Variants in UBE2W observed in about 807,000 individuals in gnomAD.
UBE2W encodes ubiquitin-conjugating enzyme E2 W.
UBE2W carries 18 observed loss-of-function variants against 27.2 expected under a neutral mutation model. The ratio of observed to expected loss-of-function variants is 0.66; its 90% CI spans 0.46 to 0.98. UBE2W has a LOEUF of 0.98. Ranked by LOEUF, UBE2W falls within the 50% of genes least tolerant of loss-of-function variation. The probability of loss-of-function intolerance (pLI) is 0.00; values close to 1 mark genes in which losing one functional copy is unlikely to be tolerated. For synonymous variants in UBE2W, 53 were observed against 57.2 expected (o/e 0.93, Z 0.33); for missense variants, 90 against 180.2 (o/e 0.50, Z 2.87).
chr8:73,874,932 G>A (rs551539119), intron 1 of UBE2W, among the ~76,000 whole-genome samples: 1 of 152,240 alleles, frequency 6.6e-6, no homozygotes, highest in Admixed American at 6.5e-5. Flanking sequence ...AGCTACTCAG[G>A]AGGCTGAGAT....
chr8:73,829,116 T>C lies in UBE2W; in HGVS notation c.107+1265A>G, dbSNP rs564137007. On this transcript the variant is annotated intron_variant, in intron 2 of 5. Transcript: ENST00000602593. ...GATTTACTCTACAACAAAGGTATTGTTGCTTTGGCTGTTATAATTTGTGGT... is the reference window on the plus strand; with the variant it reads ...GATTTACTCTACAACAAAGGTATTGCTGCTTTGGCTGTTATAATTTGTGGT... 2.0e-5 allele frequency among the ~76,000 whole-genome samples: 3 copies of C among 152,298 alleles called. No homozygotes were observed. The East Asian group carries it at 5.8e-4, about 29-fold the overall frequency.
chr8:73,812,968 G>A (rs867766490), intron 3 of UBE2W, among the ~76,000 whole-genome samples: 2 of 147,178 alleles, frequency 1.4e-5, no homozygotes, highest in Admixed American at 6.9e-5. Context: ...TCGCACCACC[G>A]CACTCCAGCC....
At chr8:73,803,752 GTTTTCTTTTTTC>G (rs1167812787) in intron 5 of UBE2W, among the ~76,000 whole-genome samples, 4 of 147,110 alleles carry the variant, frequency 2.7e-5, no homozygotes, top group Non-Finnish European at 4.5e-5. Context: ...ATATTTCTTT[GTTTTCTTTTTTC>G]TTTTCTTTTT....
At chr8:73,847,709 C>T (rs1428929771) in intron 1 of UBE2W, among the ~76,000 whole-genome samples, 1 of 152,048 alleles carries the variant, frequency 6.6e-6, no homozygotes, top group Non-Finnish European at 1.5e-5. Flanking sequence ...CAAGACCAGC[C>T]TGGCCAACGT....
intron 1 of UBE2W, among the ~76,000 whole-genome samples, chr8:73,855,646 T>C (rs1279013575): frequency 6.6e-6 from 1 of 152,072 alleles, no homozygotes; most frequent in African/African-American, 2.4e-5. Context: ...CCTCAAGTAA[T>C]CTGCCCACCT....
chr8:73,866,179 G>A (rs1021111724), intron 1 of UBE2W, among the ~76,000 whole-genome samples: 1 of 149,642 alleles, frequency 6.7e-6, no homozygotes, highest in African/African-American at 2.5e-5. Flanking sequence ...GCTGAAGCAG[G>A]AGAATTGCTT....
At chr8:73,840,551 A>AT (rs1329462879) in intron 1 of UBE2W, among the ~76,000 whole-genome samples, 1 of 152,250 alleles carries the variant, frequency 6.6e-6, no homozygotes, top group Non-Finnish European at 1.5e-5. Flanking sequence ...CAAGAAATTG[A>AT]TAAAATTCCT....
chr8:73,791,864 T>G lies in UBE2W; in HGVS notation c.*2238A>C. On this transcript the variant is annotated 3_prime_UTR_variant, in exon 6 of 6. Transcript: ENST00000602593. ...TTTAGTTTACTTTATGGTATTTATA[T>G]GTAGAGAGAGAGGTATGTTAAAATA... 1.0e-6 allele frequency: 1 copy of G among 984,704 alleles called. No individual in the cohort carries two copies. The highest frequency in any genetic ancestry group is 1.2e-6 in the Non-Finnish European group (1 of 829,264). 61.0% of individuals were successfully genotyped at this position (984,704 alleles called of 1,614,324 possible).
chr8:73,844,252 G>A (rs1810671281), intron 1 of UBE2W, among the ~76,000 whole-genome samples: 1 of 125,908 alleles, frequency 7.9e-6, no homozygotes, highest in Non-Finnish European at 1.6e-5. Context: ...CTCCCTGCCT[G>A]ATTCTCCTGC....
intron 5 of UBE2W, among the ~76,000 whole-genome samples, chr8:73,797,205 G>A (rs1001366633): frequency 2.0e-5 from 3 of 152,052 alleles, no homozygotes; most frequent in Non-Finnish European, 2.9e-5. Context: ...AGGTCATTTA[G>A]TTTTCTCCTG....
At chr8:73,862,123 T>G (rs1811556734) in intron 1 of UBE2W, among the ~76,000 whole-genome samples, 1 of 152,170 alleles carries the variant, frequency 6.6e-6, no homozygotes, top group African/African-American at 2.4e-5. Context: ...TCTACAACTT[T>G]GGCTGCACAT....
At chr8:73,865,180 C>CAAAAAAAAA (rs11354153) in intron 1 of UBE2W, among the ~76,000 whole-genome samples, 496 of 32,824 alleles carry the variant, frequency 0.015, 105 homozygotes, top group African/African-American at 0.038. Flanking sequence ...GTGCAAACGT[C>CAAAAAAAAA]AAAAAAAAAA....
At chr8:73,857,680 G>A (rs748895130) in intron 1 of UBE2W, among the ~76,000 whole-genome samples, 1 of 152,048 alleles carries the variant, frequency 6.6e-6, no homozygotes, top group Non-Finnish European at 1.5e-5. Context: ...GCCAGGTATG[G>A]TGGCAGACGC....
intron 3 of UBE2W, among the ~76,000 whole-genome samples, chr8:73,816,666 C>T (rs1045963075): frequency 6.6e-6 from 1 of 151,982 alleles, no homozygotes; most frequent in Admixed American, 6.6e-5. Context: ...GACACTGTCC[C>T]CTTCCCTCTA....
In UBE2W at chr8:73,791,142, A is replaced by T; in HGVS notation, c.*2960T>A. On this transcript the variant is annotated 3_prime_UTR_variant, in exon 6 of 6. Coordinates refer to ENST00000602593, the MANE Select transcript of UBE2W (RefSeq NM_018299.6). ...AAATGATAAATTATATATTACAAGT[A>T]AGTCCTTCAGAAGTGAATATTAATT... 1.0e-6 allele frequency: 1 copy of T among 983,918 alleles called. No individual in the cohort carries two copies. The highest frequency in any genetic ancestry group is 1.2e-6 in the Non-Finnish European group (1 of 828,600). The allele number at this position is 983,918 out of a possible 1,614,324, so 60.9% of individuals were successfully genotyped here.
At chr8:73,867,606 G>C (rs552656090) in intron 1 of UBE2W, among the ~76,000 whole-genome samples, 69 of 152,060 alleles carry the variant, frequency 4.5e-4, no homozygotes, top group African/African-American at 1.4e-3. Context: ...AGCTACTCAG[G>C]AGGCTGAGGC....
At chr8:73,857,765 G>A (rs1489053414) in intron 1 of UBE2W, among the ~76,000 whole-genome samples, 3 of 151,970 alleles carry the variant, frequency 2.0e-5, no homozygotes, top group Non-Finnish European at 2.9e-5. Flanking sequence ...GCAGTGAGCC[G>A]AAATCGCGCC....
At chr8:73,870,536 T>A (rs1195089998) in intron 1 of UBE2W, among the ~76,000 whole-genome samples, 1 of 151,894 alleles carries the variant, frequency 6.6e-6, no homozygotes, top group Non-Finnish European at 1.5e-5. Flanking sequence ...AGGTGGGAGG[T>A]TACACAGCTA....
At chr8:73,876,922 G>A (rs908262556) in intron 1 of UBE2W, among the ~76,000 whole-genome samples, 17 of 152,152 alleles carry the variant, frequency 1.1e-4, no homozygotes, top group East Asian at 1.9e-4. Flanking sequence ...AGCCAAGATC[G>A]CCCCATTGCA....
Sources: allele counts gnomAD v4.1 joint callset (sites outside exome capture counted in the v4.1 genomes callset), GRCh38; gene constraint gnomAD v4.1.1; transcripts MANE v1.5; gene names NCBI Gene and HGNC (gene_info 2026-07-23, HGNC 2026-07-21).